The following LYPLA1 variants were observed in gnomAD, a reference collection of about 807,000 sequenced individuals.
LYPLA1 encodes acyl-protein thioesterase 1.
A neutral mutation model predicts 34.0 loss-of-function variants in LYPLA1; 17 were observed. The ratio of observed to expected loss-of-function variants is 0.50; its 90% confidence interval spans 0.34 to 0.75. The LOEUF (loss-of-function observed/expected upper bound fraction) is 0.75, where lower values mean the gene tolerates loss of function less well. Among genes scored for constraint, LYPLA1 ranks in the 30% least tolerant of loss-of-function variants. LYPLA1 has a pLI of 0.01. For missense variants in LYPLA1, 203 were observed against 288.8 expected (o/e 0.70, Z 2.15); for synonymous variants, 98 against 100.8 (o/e 0.97, Z 0.17).
intron 5 of LYPLA1, among the ~76,000 whole-genome samples, chr8:54,056,594 T>C (rs1388081716): frequency 6.6e-6 from 1 of 151,904 alleles, no homozygotes; most frequent in African/African-American, 2.4e-5. Flanking sequence ...AACAACTCTA[T>C]AGGAAAAAAA....
At chr8:54,083,773 G>A (rs1426310149) in intron 2 of LYPLA1, among the ~76,000 whole-genome samples, 2 of 152,144 alleles carry the variant, frequency 1.3e-5, no homozygotes, top group African/African-American at 4.8e-5. Context: ...ACGCAGCAGC[G>A]AAAATGCATA....
In LYPLA1 at chr8:54,065,796, G is replaced by A. The variant is rs1436783257; in HGVS notation, c.119C>T (p.Ala40Val). The A allele has an allele frequency of 1.2e-6, 2 of 1,613,706 alleles. No individual in the cohort carries two copies. The highest frequency in any genetic ancestry group is 1.7e-6 in the Non-Finnish European group (2 of 1,179,786). The change falls in exon 3 of 9, where the codon GCC becomes GTC. Residue 40 changes from alanine (A) to valine (V), a missense_variant. This residue lies in a region of LYPLA1 where 75 missense variants were observed against 73.5 expected (regional missense o/e 1.02). Coordinates refer to ENST00000316963, the MANE Select transcript of LYPLA1 (RefSeq NM_006330.4). Reference sequence around the variant, plus strand: ...ATGTGAACTTCTGATACCTGCAAAGGCTTCTGCCCATCCGTGCCTGGTGGA... The same window carrying A: ...ATGTGAACTTCTGATACCTGCAAAGACTTCTGCCCATCCGTGCCTGGTGGA... ...LGDTGHGWAE[A>V]FAGIRSSHIK...
intron 2 of LYPLA1, among the ~76,000 whole-genome samples, chr8:54,092,206 G>A (rs540240765): frequency 8.0e-4 from 120 of 150,912 alleles, no homozygotes; most frequent in African/African-American, 1.6e-3. Context: ...GGAGGAGAAA[G>A]ACGGAAGAGA....
intron 7 of LYPLA1, among the ~76,000 whole-genome samples, chr8:54,052,053 G>C (rs1039582019): frequency 6.6e-6 from 1 of 151,716 alleles, no homozygotes; most frequent in Non-Finnish European, 1.5e-5. Flanking sequence ...GTTTCACCAT[G>C]TTGGCCAGGC....
At chr8:54,095,490 T>A (rs1295446839) in intron 2 of LYPLA1, among the ~76,000 whole-genome samples, 2 of 152,150 alleles carry the variant, frequency 1.3e-5, no homozygotes, top group African/African-American at 2.4e-5. Flanking sequence ...TATTTTTTAA[T>A]ATTTTAATTA....
chr8:54,058,221 A>T (rs898766788), intron 5 of LYPLA1, among the ~76,000 whole-genome samples: 23 of 152,246 alleles, frequency 1.5e-4, no homozygotes, highest in African/African-American at 5.5e-4. Flanking sequence ...AGTGTTTAAA[A>T]CCATTCATTC....
Position 54,056,367 on chromosome 8 carries a change from C to T in LYPLA1, c.287-1234G>A, listed in dbSNP as rs534400010. On this transcript the variant is annotated intron_variant, in intron 5 of 8. Coordinates refer to ENST00000316963, the MANE Select transcript of LYPLA1 (RefSeq NM_006330.4). ...TACGAGAAAAAATTGGGGAAAATCT[C>T]CAGGACATTGGTCTGGGCAAAAATT... 2.6e-5 allele frequency among the ~76,000 whole-genome samples: 4 copies of T among 152,212 alleles called. No homozygotes were observed. In the South Asian group the frequency reaches 8.3e-4, roughly 32 times the overall value.
At chr8:54,084,141 A>AAAAAAAAAAAAAAAAAAAAAAAT (rs1554547936) in intron 2 of LYPLA1, among the ~76,000 whole-genome samples, 1 of 118,676 alleles carries the variant, frequency 8.4e-6, no homozygotes, top group Non-Finnish European at 1.6e-5. Context: ...AAAATAAATA[A>AAAAAAAAAAAAAAAAAAAAAAAT]ATATATATAT....
At chr8:54,097,887 C>T (rs1281532534) in intron 2 of LYPLA1, among the ~76,000 whole-genome samples, 3 of 152,200 alleles carry the variant, frequency 2.0e-5, no homozygotes, top group Non-Finnish European at 2.9e-5. Flanking sequence ...ACTTCTCTTG[C>T]ACTTTGGGGC....
chr8:54,080,138 C>G (rs530771797), intron 2 of LYPLA1, among the ~76,000 whole-genome samples: 1 of 152,106 alleles, frequency 6.6e-6, no homozygotes, highest in South Asian at 2.1e-4. Flanking sequence ...GTAATCCCAC[C>G]ACTTTGGGAG....
At chr8:54,073,118 G>A (rs368865552) in intron 2 of LYPLA1, 173 of 696,216 alleles carry the variant, frequency 2.5e-4, no homozygotes, top group Middle Eastern at 4.1e-4. Context: ...GAACTTGCGC[G>A]TCCATCTCAG....
chr8:54,078,797 CT>C (rs567428914), intron 2 of LYPLA1, among the ~76,000 whole-genome samples: 210 of 152,042 alleles, frequency 1.4e-3, no homozygotes, highest in African/African-American at 3.8e-3. Context: ...CTTCTACCAT[CT>C]GCTAAGACAA....
chr8:54,075,838 C>A (rs1022153306), intron 2 of LYPLA1, among the ~76,000 whole-genome samples: 1 of 152,070 alleles, frequency 6.6e-6, no homozygotes, highest in Non-Finnish European at 1.5e-5. Context: ...TGGACCTGGC[C>A]AGAAATAATG....
intron 2 of LYPLA1, 186 bp downstream of exon 2, chr8:54,100,722 A>T (rs2129377124): frequency 1.7e-6 from 1 of 600,078 alleles, no homozygotes; most frequent in South Asian, 2.0e-5. Context: ...AAATCAATAA[A>T]CTCACGATGA....
At chr8:54,054,969 C>A (rs1403774949) in intron 6 of LYPLA1, 91 bp downstream of exon 6, 2 of 767,956 alleles carry the variant, frequency 2.6e-6, no homozygotes, top group Non-Finnish European at 4.4e-6. Context: ...TCTATAACAT[C>A]AAAAAAGACT....
At chr8:54,058,728 G>A (rs1471644934) in intron 5 of LYPLA1, among the ~76,000 whole-genome samples, 1 of 149,992 alleles carries the variant, frequency 6.7e-6, no homozygotes, top group African/African-American at 2.4e-5. Flanking sequence ...ACAGACATGC[G>A]CCACCACGCC....
chr8:54,075,159 T>G (rs369121088), intron 2 of LYPLA1, among the ~76,000 whole-genome samples: 2 of 152,342 alleles, frequency 1.3e-5, no homozygotes, highest in East Asian at 3.9e-4. Context: ...TTATTAACTT[T>G]AAATTTTTTG....
chr8:54,074,021 T>C (rs1231336138), intron 2 of LYPLA1, among the ~76,000 whole-genome samples: 11 of 152,320 alleles, frequency 7.2e-5, no homozygotes, highest in Admixed American at 7.2e-4. Flanking sequence ...ATGCTTGTAA[T>C]CCCAGCACTT....
At chr8:54,057,222 G>C (rs1468914634) in intron 5 of LYPLA1, among the ~76,000 whole-genome samples, 1 of 152,042 alleles carries the variant, frequency 6.6e-6, no homozygotes, top group Non-Finnish European at 1.5e-5. Context: ...TAAAAATTGA[G>C]CTACCATATG....
Sources: allele counts gnomAD v4.1 joint callset (sites outside exome capture counted in the v4.1 genomes callset), GRCh38; gene constraint gnomAD v4.1.1; regional missense constraint gnomAD v4.1.1; transcripts MANE v1.5; gene names NCBI Gene and HGNC (gene_info 2026-07-23, HGNC 2026-07-21).